Variants in MAOA observed in about 807,000 individuals in gnomAD.
The protein encoded by MAOA is monoamine oxidase A, also known as amine oxidase [flavin-containing] A.
In MAOA, 6 loss-of-function variants were observed where a neutral mutation model predicts 42.0. The ratio of observed to expected loss-of-function variants is 0.14; its 90% confidence interval spans 0.08 to 0.28. The LOEUF is 0.28. MAOA is among the 10% of genes least tolerant of loss of function. The pLI, the probability that MAOA is intolerant of heterozygous loss-of-function variation, is 1.00. For synonymous variants in MAOA, 140 were observed against 154.0 expected (o/e 0.91, Z 0.67); for missense variants, 262 against 422.3 (o/e 0.62, Z 3.33).
chrX:43,670,709 G>A (rs2033323750), intron 1 of MAOA, among the ~76,000 whole-genome samples: 1 of 103,366 alleles, frequency 9.7e-6, no homozygotes, highest in Non-Finnish European at 2.0e-5. Flanking sequence ...TTGGTTTTTT[G>A]TCCTTGCGAT....
chrX:43,674,469 G>A (rs1278516849), intron 1 of MAOA, among the ~76,000 whole-genome samples: 1 of 110,240 alleles, frequency 9.1e-6, no homozygotes, highest in Non-Finnish European at 1.9e-5. Context: ...ATTGTTATGT[G>A]TGAATTTGAT....
chrX:43,683,147 C>T (rs947231855), intron 1 of MAOA, among the ~76,000 whole-genome samples: 1 of 111,617 alleles, frequency 9.0e-6, no homozygotes, highest in Non-Finnish European at 1.9e-5. Context: ...AAAATAGTCT[C>T]TTCTGTTAAT....
intron 1 of MAOA, among the ~76,000 whole-genome samples, chrX:43,660,834 C>T (rs191922789): frequency 2.1e-4 from 24 of 111,929 alleles, no homozygotes; most frequent in African/African-American, 7.1e-4. Flanking sequence ...CAATAAATGA[C>T]AGAAAACTAG....
chrX:43,717,781 G>A, intron 5 of MAOA, among the ~76,000 whole-genome samples: 1 of 110,108 alleles, frequency 9.1e-6, no homozygotes, highest in Non-Finnish European at 1.9e-5. Context: ...CAGGGCAGAA[G>A]GTAGATAGGA....
chrX:43,736,301 A>C (rs1036291489), intron 10 of MAOA, 21 bp downstream of exon 10: 1 of 1,104,020 alleles, frequency 9.1e-7, no homozygotes, highest in Middle Eastern at 2.5e-4. Context: ...ATAACTGAAA[A>C]ATAGATGAAA....
intron 3 of MAOA, among the ~76,000 whole-genome samples, chrX:43,702,328 T>C (rs184303321): frequency 2.9e-3 from 329 of 111,933 alleles, no homozygotes; most frequent in Non-Finnish European, 5.5e-3. Context: ...ATTCCTACTT[T>C]AGAGATAAGA....
chrX:43,743,439 G>A (rs773669827), intron 12 of MAOA, among the ~76,000 whole-genome samples: 3 of 110,597 alleles, frequency 2.7e-5, no homozygotes, highest in Non-Finnish European at 5.7e-5. Context: ...ACCTTCCCCC[G>A]AGAAAGACAG....
chrX:43,734,436 CTTCAGCTTTA>C (rs1449317854), intron 9 of MAOA, among the ~76,000 whole-genome samples: 4 of 111,204 alleles, frequency 3.6e-5, no homozygotes. Flanking sequence ...TTTGGGCTTT[CTTCAGCTTTA>C]TTATTAACTA....
intron 1 of MAOA, among the ~76,000 whole-genome samples, chrX:43,676,657 C>G (rs2033400008): frequency 9.0e-6 from 1 of 111,440 alleles, no homozygotes; most frequent in Admixed American, 9.6e-5. Flanking sequence ...CAAATATTTC[C>G]TGAGTGTCCA....
intron 5 of MAOA, among the ~76,000 whole-genome samples, chrX:43,722,827 G>C (rs1354850963): frequency 2.7e-5 from 3 of 111,546 alleles, no homozygotes; most frequent in African/African-American, 9.8e-5. Flanking sequence ...TAAGTTATAC[G>C]TTTAAATCTT....
At chrX:43,693,896 C>T (rs910576669) in intron 3 of MAOA, among the ~76,000 whole-genome samples, 18 of 111,828 alleles carry the variant, frequency 1.6e-4, no homozygotes, top group African/African-American at 5.5e-4. Context: ...GAGGCCACTT[C>T]TTTAGCCTTT....
intron 2 of MAOA, among the ~76,000 whole-genome samples, chrX:43,685,854 G>T (rs2033483694): frequency 8.9e-6 from 1 of 111,917 alleles, no homozygotes; most frequent in African/African-American, 3.3e-5. Flanking sequence ...TTTTCTGAGT[G>T]CTCCCTTAGA....
chrX:43,707,950 T>C (rs965980837), intron 3 of MAOA, among the ~76,000 whole-genome samples: 6 of 112,091 alleles, frequency 5.4e-5, no homozygotes, highest in Admixed American at 9.5e-5. Context: ...AATGCTATTT[T>C]GCTTACTATA....
chrX:43,721,162 G>A (rs1290459465), intron 5 of MAOA, among the ~76,000 whole-genome samples: 1 of 111,115 alleles, frequency 9.0e-6, no homozygotes, highest in Admixed American at 9.5e-5. Flanking sequence ...TTTCAAGAAT[G>A]ACTCAAAGTT....
intron 1 of MAOA, among the ~76,000 whole-genome samples, chrX:43,661,271 A>T (rs1038714762): frequency 8.9e-6 from 1 of 111,911 alleles, no homozygotes; most frequent in Admixed American, 9.5e-5. Context: ...ATCCCTGTAC[A>T]TAAGGTACTT....
At chrX:43,693,161 A>T (rs1287917456) in intron 2 of MAOA, 130 bp from the exon 3 acceptor site, 5 of 602,636 alleles carry the variant, frequency 8.3e-6, no homozygotes, top group Non-Finnish European at 1.3e-5. Flanking sequence ...TGCCATTTTC[A>T]GTTGCTCTTT....
At chrX:43,685,684 CAACTGGGATTTTGATAGA>C (rs2033482700) in intron 2 of MAOA, among the ~76,000 whole-genome samples, 1 of 111,756 alleles carries the variant, frequency 8.9e-6, no homozygotes, top group African/African-American at 3.3e-5. Flanking sequence ...GCCCCAGAAT[CAACTGGGATTTTGATAGA>C]AATGCAGAAT....
At chrX:43,718,671 G>A (rs1164534375) in intron 5 of MAOA, among the ~76,000 whole-genome samples, 4 of 109,670 alleles carry the variant, frequency 3.6e-5, no homozygotes, top group Non-Finnish European at 5.7e-5. Context: ...CAGAGGGACA[G>A]GGCAGAGAGA....
At chrX:43,714,914 GA>G (rs1003550048) in intron 5 of MAOA, among the ~76,000 whole-genome samples, 1 of 109,662 alleles carries the variant, frequency 9.1e-6, no homozygotes, top group Non-Finnish European at 1.9e-5. Context: ...ACCCAAACCA[GA>G]AGGGTGGATG....
Sources: gnomAD v4.1 joint callset for allele counts (sites outside exome capture counted in the v4.1 genomes callset) on GRCh38, gnomAD v4.1.1 for gene constraint, MANE v1.5 for transcripts, NCBI Gene and HGNC (gene_info 2026-07-23, HGNC 2026-07-21) for gene names.